PGGT1B: variants seen among roughly 807,000 people sequenced by gnomAD.
PGGT1B encodes protein geranylgeranyltransferase type I subunit beta, also known as geranylgeranyl transferase type-1 subunit beta.
In PGGT1B, 30 loss-of-function variants were observed where a neutral mutation model predicts 46.1. The observed-to-expected ratio is 0.65, with a 90% confidence interval of 0.49 to 0.88. The LOEUF is 0.88. Ranked by LOEUF, PGGT1B falls within the 40% of genes least tolerant of loss-of-function variation. The pLI, the probability that PGGT1B is intolerant of heterozygous loss-of-function variation, is 0.00. For synonymous variants in PGGT1B, 170 were observed against 160.0 expected (o/e 1.06, Z -0.47); for missense variants, 376 against 455.9 (o/e 0.82, Z 1.60).
At chr5:115,232,074 G>T (rs1464224427) in intron 5 of PGGT1B, among the ~76,000 whole-genome samples, 8 of 152,032 alleles carry the variant, frequency 5.3e-5, no homozygotes, top group African/African-American at 1.9e-4. Flanking sequence ...TTATTAAAAG[G>T]CATAACAGAA....
chr5:115,212,713 TA>T, intron 8 of PGGT1B, 130 bp from the exon 9 acceptor site: 1 of 576,590 alleles, frequency 1.7e-6, no homozygotes, highest in Non-Finnish European at 2.9e-6. Flanking sequence ...AATATAGTTT[TA>T]AAAATATTTG....
At chr5:115,254,033 T>C (rs973907238) in intron 1 of PGGT1B, among the ~76,000 whole-genome samples, 6 of 152,052 alleles carry the variant, frequency 3.9e-5, no homozygotes, top group Non-Finnish European at 8.8e-5. Context: ...AATCTAACAA[T>C]TCATATGACT....
chr5:115,225,630 T>C (rs1435675046), intron 6 of PGGT1B, among the ~76,000 whole-genome samples: 1 of 151,650 alleles, frequency 6.6e-6, no homozygotes, highest in East Asian at 1.9e-4. Context: ...TTAAACACCA[T>C]ATTAAAAAGG....
At chr5:115,252,852 T>C (rs1006478022) in intron 2 of PGGT1B, 6 of 283,414 alleles carry the variant, frequency 2.1e-5, no homozygotes, top group Non-Finnish European at 3.9e-5. Flanking sequence ...ATACTGACTA[T>C]AAATAATCAA....
At chr5:115,237,781 G>T in intron 4 of PGGT1B, 77 bp downstream of exon 4, 1 of 1,235,122 alleles carries the variant, frequency 8.1e-7, no homozygotes, top group Non-Finnish European at 1.2e-6. Flanking sequence ...TAAAGATCTA[G>T]TATAGTACTG....
At chr5:115,216,249 C>T (rs1473031618) in intron 8 of PGGT1B, among the ~76,000 whole-genome samples, 1 of 152,096 alleles carries the variant, frequency 6.6e-6, no homozygotes, top group Non-Finnish European at 1.5e-5. Context: ...AAGTGACTCT[C>T]CTGCCTCAGA....
chr5:115,211,436 A>T lies in PGGT1B; in HGVS notation c.*966T>A, dbSNP rs1756218410. ...TCTGTTTGAATGGTTCTGTTTTTGT[A>T]TTTTTTACTTATTTAATTTGAAAAA... is the stretch of plus-strand genomic sequence containing the variant. On this transcript the variant is annotated 3_prime_UTR_variant, in exon 9 of 9. Transcript: ENST00000419445. The T allele has an allele frequency of 1.3e-5, 2 of 151,936 alleles. No individual in the cohort carries two copies. Among genetic ancestry groups the T allele is most frequent in the Non-Finnish European group, 2.9e-5 (2 of 67,890 alleles). The allele number at this position is 151,936 out of a possible 1,614,324, so 9.4% of individuals were successfully genotyped here.
At chr5:115,238,291 A>ATTTTTTTTTTTTTTTTTTTTTTTTTTTT (rs35711954) in intron 3 of PGGT1B, among the ~76,000 whole-genome samples, 3 of 46,960 alleles carry the variant, frequency 6.4e-5, no homozygotes, top group African/African-American at 1.6e-4. Context: ...ATTTTTTTGG[A>ATTTTTTTTTTTTTTTTTTTTTTTTTTTT]TTTTTTTTTT....
intron 2 of PGGT1B, among the ~76,000 whole-genome samples, chr5:115,244,881 C>G (rs978759249): frequency 1.3e-5 from 2 of 152,114 alleles, no homozygotes; most frequent in Non-Finnish European, 1.5e-5. Context: ...AGGAGCCCAC[C>G]GCACCCAGCC....
At chr5:115,255,132 G>A (rs1464542639) in intron 1 of PGGT1B, among the ~76,000 whole-genome samples, 2 of 152,136 alleles carry the variant, frequency 1.3e-5, no homozygotes, top group South Asian at 2.1e-4. Flanking sequence ...CAATAAGCAC[G>A]CAATAAATGG....
At chr5:115,220,362 A>G (rs1756550416) in intron 7 of PGGT1B, among the ~76,000 whole-genome samples, 1 of 151,876 alleles carries the variant, frequency 6.6e-6, no homozygotes, top group African/African-American at 2.4e-5. Context: ...AAGGACAAAT[A>G]TTGTATGATT....
chr5:115,253,138 G>A lies in PGGT1B; in HGVS notation c.258C>T (p.Asp86=), dbSNP rs922282320. The change falls in exon 2 of 9, where the codon GAC becomes GAT. Residue 86 remains aspartate, a splice_region_variant and synonymous_variant. Coordinates refer to ENST00000419445, the MANE Select transcript of PGGT1B (RefSeq NM_005023.4). Reference sequence around the variant, plus strand: ...ATAAAATGCTAAAAACTCACTCACTGTCTTCTGTGGGAAGGACCTGCAGGG... The same window carrying A: ...ATAAAATGCTAAAAACTCACTCACTATCTTCTGTGGGAAGGACCTGCAGGG... The part of the protein sequence containing the change: ...IYSLQVLPTE[D]RSNLNRCGFR... The A allele has an allele frequency of 2.5e-6, 4 of 1,598,700 alleles. No homozygotes were observed. The African/African-American group carries it at 5.4e-5, about 22-fold the overall frequency.
At chr5:115,242,631 C>T (rs1278480847) in intron 2 of PGGT1B, among the ~76,000 whole-genome samples, 4 of 152,124 alleles carry the variant, frequency 2.6e-5, no homozygotes, top group Non-Finnish European at 2.9e-5. Flanking sequence ...AAACTCTCCA[C>T]CAATTATCAT....
rs1160139744 is a variant in PGGT1B, at chr5:115,230,976, C to T, written c.658G>A (p.Gly220Arg). The change falls in exon 6 of 9, where the codon GGA becomes AGA. Residue 220 changes from glycine to arginine, a missense_variant and splice_region_variant. Gly to Arg is a moderately radical substitution (Grantham distance 125, BLOSUM62 -2). This residue lies in a region of PGGT1B where 222 missense variants were observed against 313.6 expected (regional missense o/e 0.71). Transcript: ENST00000419445. ...TGTTCACTTATTTAAGATGTCTTAC[C>T]ATGAGATTCAAGTCCAGCTCCCTGT... ...LAQGAGLESHGGSTFCGIASL... is the reference protein window; with the variant it reads ...LAQGAGLESHRGSTFCGIASL... The T allele has an allele frequency of 6.4e-7, 1 of 1,565,128 alleles. No homozygotes were observed. The highest frequency in any genetic ancestry group is 1.8e-5 in the Admixed American group (1 of 56,640).
intron 1 of PGGT1B, among the ~76,000 whole-genome samples, chr5:115,258,002 A>G (rs768376041): frequency 1.7e-4 from 26 of 152,222 alleles, no homozygotes; most frequent in Non-Finnish European, 3.2e-4. Flanking sequence ...ATTTATAATT[A>G]TTTTTCAATG....
Position 115,212,246 on chromosome 5 carries a change from T to C in PGGT1B, c.*156A>G, listed in dbSNP as rs1756255934. Reference sequence around the variant, plus strand: ...ATTTTCTTGAAACCCAGTATAAAGATTACTGGCTCAAGACCATATCCCAAA... The same window carrying C: ...ATTTTCTTGAAACCCAGTATAAAGACTACTGGCTCAAGACCATATCCCAAA... On this transcript the variant is annotated 3_prime_UTR_variant, in exon 9 of 9. Coordinates refer to ENST00000419445, the MANE Select transcript of PGGT1B (RefSeq NM_005023.4). 3.7e-6 allele frequency: 5 copies of C among 1,351,684 alleles called. No homozygotes were observed. Among genetic ancestry groups the C allele is most frequent in the South Asian group, 3.1e-5 (2 of 63,812 alleles). 83.7% of individuals were successfully genotyped at this position (1,351,684 alleles called of 1,614,324 possible). A position where few individuals can be genotyped will look rare whatever the true frequency, so the allele number is the denominator to read the frequency against.
At chr5:115,244,324 G>C (rs1050635433) in intron 2 of PGGT1B, among the ~76,000 whole-genome samples, 1 of 151,470 alleles carries the variant, frequency 6.6e-6, no homozygotes, top group Non-Finnish European at 1.5e-5. Context: ...AATTAGCTGG[G>C]CGCGGTGGCG....
At chr5:115,245,887 C>A (rs1747811392) in intron 2 of PGGT1B, among the ~76,000 whole-genome samples, 1 of 152,084 alleles carries the variant, frequency 6.6e-6, no homozygotes, top group African/African-American at 2.4e-5. Flanking sequence ...AAAGTTTATA[C>A]TTTATTCTAC....
chr5:115,237,715 C>A (rs1372668462), intron 4 of PGGT1B, 143 bp downstream of exon 4: 1 of 536,278 alleles, frequency 1.9e-6, no homozygotes, highest in East Asian at 3.4e-5. Flanking sequence ...TTTGACTATG[C>A]ACTTAATTAT....
Sources: gnomAD v4.1 joint callset for allele counts (sites outside exome capture counted in the v4.1 genomes callset) on GRCh38, gnomAD v4.1.1 for gene constraint, gnomAD v4.1.1 regional missense constraint, MANE v1.5 for transcripts, NCBI Gene and HGNC (gene_info 2026-07-23, HGNC 2026-07-21) for gene names.